ITGA9: variants seen among roughly 807,000 people sequenced by gnomAD.
ITGA9 encodes integrin subunit alpha 9.
A neutral mutation model predicts 127.8 loss-of-function variants in ITGA9; 56 were observed. The ratio of observed to expected loss-of-function variants is 0.44; its 90% CI spans 0.35 to 0.55. The LOEUF (loss-of-function observed/expected upper bound fraction) is 0.55. Ranked by LOEUF, ITGA9 falls within the 20% of genes least tolerant of loss-of-function variation. ITGA9 has a pLI of 0.00. For synonymous variants in ITGA9, 508 were observed against 514.5 expected (o/e 0.99, Z 0.17); for missense variants, 1,196 against 1,347.1 (o/e 0.89, Z 1.76).
chr3:37,720,460 C>T (rs1701179624), intron 18 of ITGA9, among the ~76,000 whole-genome samples: 1 of 152,164 alleles, frequency 6.6e-6, no homozygotes, highest in South Asian at 2.1e-4. Context: ...ATAAAAATAA[C>T]TTGATTCATT....
At chr3:37,813,982 TTTTA>T (rs1189352711) in intron 27 of ITGA9, among the ~76,000 whole-genome samples, 9 of 152,222 alleles carry the variant, frequency 5.9e-5, no homozygotes, top group Non-Finnish European at 7.3e-5. Context: ...TTAAATTCTG[TTTTA>T]TTTGTTTCTT....
intron 4 of ITGA9, among the ~76,000 whole-genome samples, chr3:37,488,488 C>A (rs950437441): frequency 6.6e-6 from 1 of 152,094 alleles, no homozygotes; most frequent in Non-Finnish European, 1.5e-5. Flanking sequence ...TACAAAACTC[C>A]TTTTTTGGTA....
At chr3:37,664,420 CTT>C (rs35312679) in intron 17 of ITGA9, among the ~76,000 whole-genome samples, 9,517 of 114,776 alleles carry the variant, frequency 0.083, 475 homozygotes, top group African/African-American at 0.17. Context: ...TCAGCACATT[CTT>C]TTTTTTTTTT....
intron 26 of ITGA9, among the ~76,000 whole-genome samples, chr3:37,787,481 C>T (rs545014903): frequency 3.9e-5 from 6 of 152,070 alleles, no homozygotes; most frequent in South Asian, 2.1e-4. Flanking sequence ...GGGAAGAGGC[C>T]GAGAGGTTTT....
At chr3:37,584,711 C>T (rs901726725) in intron 15 of ITGA9, among the ~76,000 whole-genome samples, 4 of 151,966 alleles carry the variant, frequency 2.6e-5, no homozygotes, top group African/African-American at 7.3e-5. Flanking sequence ...GCCAAGACTG[C>T]GCCACTGCAC....
At chr3:37,795,746 G>A (rs1289131072) in intron 26 of ITGA9, among the ~76,000 whole-genome samples, 1 of 152,134 alleles carries the variant, frequency 6.6e-6, no homozygotes, top group African/African-American at 2.4e-5. Flanking sequence ...CCCAAAACCA[G>A]CAGACTTCTC....
At chr3:37,664,259 T>C (rs1700563933) in intron 17 of ITGA9, among the ~76,000 whole-genome samples, 1 of 151,998 alleles carries the variant, frequency 6.6e-6, no homozygotes, top group Admixed American at 6.6e-5. Flanking sequence ...AGGAGGTAGA[T>C]GGGCAAAAAA....
chr3:37,712,021 A>T (rs1701084629), intron 18 of ITGA9, among the ~76,000 whole-genome samples: 1 of 152,184 alleles, frequency 6.6e-6, no homozygotes, highest in Non-Finnish European at 1.5e-5. Flanking sequence ...CAGATGTGGG[A>T]CACTCCTCAC....
intron 15 of ITGA9, among the ~76,000 whole-genome samples, chr3:37,557,048 T>G (rs534479647): frequency 6.6e-6 from 1 of 151,788 alleles, no homozygotes; most frequent in South Asian, 2.1e-4. Flanking sequence ...TTTTCAGCAG[T>G]TTTTTTAAAC....
intron 18 of ITGA9, among the ~76,000 whole-genome samples, chr3:37,719,043 T>C (rs577916125): frequency 6.6e-5 from 10 of 152,294 alleles, no homozygotes; most frequent in Middle Eastern, 6.8e-3. Flanking sequence ...TAACAACCTT[T>C]GAAGGCTTTT....
intron 4 of ITGA9, among the ~76,000 whole-genome samples, chr3:37,485,807 A>G (rs1365467662): frequency 2.0e-5 from 3 of 152,194 alleles, no homozygotes; most frequent in Admixed American, 2.0e-4. Context: ...GGAAAAACAG[A>G]GGAAATGGGA....
chr3:37,640,499 C>T (rs1700321846), intron 16 of ITGA9, among the ~76,000 whole-genome samples: 1 of 152,134 alleles, frequency 6.6e-6, no homozygotes, highest in African/African-American at 2.4e-5. Flanking sequence ...GAAGTGGATT[C>T]TCCCCCAGGG....
At chr3:37,508,189 A>G (rs1386091484) in intron 7 of ITGA9, among the ~76,000 whole-genome samples, 1 of 152,212 alleles carries the variant, frequency 6.6e-6, no homozygotes, top group East Asian at 1.9e-4. Flanking sequence ...ATAAAGTCCA[A>G]TCCATACCAC....
Position 37,802,685 on chromosome 3 carries a change from C to T in ITGA9, c.2890-1138C>T, listed in dbSNP as rs922532256. Among the ~76,000 whole-genome samples, 5 of 152,090 alleles carry T rather than the reference C, an allele frequency of 3.3e-5. No homozygotes were observed. The South Asian group carries it at 6.2e-4, about 19-fold the overall frequency. ...GTGACCAGTGGGGATAAAGCAGAGC[C>T]GAAGGGGACAATCAGAAGTGAGCAC... On this transcript the variant is annotated intron_variant, in intron 26 of 27. Transcript: ENST00000264741.
At chr3:37,547,009 C>G (rs1056210215) in intron 15 of ITGA9, among the ~76,000 whole-genome samples, 2 of 152,150 alleles carry the variant, frequency 1.3e-5, no homozygotes, top group African/African-American at 4.8e-5. Flanking sequence ...GAAACGATGG[C>G]AACAGTTCTG....
intron 15 of ITGA9, among the ~76,000 whole-genome samples, chr3:37,624,692 C>T (rs957494231): frequency 1.3e-5 from 2 of 152,166 alleles, no homozygotes; most frequent in South Asian, 2.1e-4. Flanking sequence ...ACTGCACCTC[C>T]GCCTCCTGGG....
chr3:37,565,567 G>A (rs1209833048), intron 15 of ITGA9, among the ~76,000 whole-genome samples: 1 of 152,226 alleles, frequency 6.6e-6, no homozygotes, highest in African/African-American at 2.4e-5. Flanking sequence ...ATGGGTGGTG[G>A]GTACAGCATT....
intron 15 of ITGA9, among the ~76,000 whole-genome samples, chr3:37,623,410 T>C (rs1467992468): frequency 6.6e-6 from 1 of 152,176 alleles, no homozygotes; most frequent in East Asian, 1.9e-4. Context: ...GAACTTAGCT[T>C]TTTAGCCACT....
At chr3:37,549,299 AGAGGACATTGT>A (rs1337404478) in intron 15 of ITGA9, among the ~76,000 whole-genome samples, 2 of 152,242 alleles carry the variant, frequency 1.3e-5, no homozygotes, top group East Asian at 3.8e-4. Flanking sequence ...CACTTGCCAC[AGAGGACATTGT>A]GATTAGCAAA....
Sources: gnomAD v4.1 joint callset for allele counts (sites outside exome capture counted in the v4.1 genomes callset) on GRCh38, gnomAD v4.1.1 for gene constraint, MANE v1.5 for transcripts, NCBI Gene and HGNC (gene_info 2026-07-23, HGNC 2026-07-21) for gene names.